Variants in FBXO40 observed in about 807,000 individuals in gnomAD.
FBXO40 encodes the protein F-box protein 40, also known as F-box only protein 40.
A neutral mutation model predicts 49.9 loss-of-function variants in FBXO40; 50 were observed. The ratio of observed to expected loss-of-function variants is 1.00; its 90% confidence interval spans 0.80 to 1.27. FBXO40 has a LOEUF of 1.27. Ranked by LOEUF, FBXO40 falls within the 50% of genes most tolerant of loss-of-function variation. FBXO40 has a pLI of 0.00. For synonymous variants in FBXO40, 340 were observed against 320.2 expected (o/e 1.06, Z -0.66); for missense variants, 895 against 870.1 (o/e 1.03, Z -0.36).
At chr3:121,602,475 G>C (rs939373393) in intron 1 of FBXO40, among the ~76,000 whole-genome samples, 2 of 152,052 alleles carry the variant, frequency 1.3e-5, no homozygotes, top group Non-Finnish European at 2.9e-5. Context: ...TCGAAATCTT[G>C]GCATCAACTT....
Position 121,622,958 on chromosome 3 carries a change from G to C in FBXO40, c.1529G>C (p.Arg510Pro). 1.2e-6 allele frequency: 2 copies of C among 1,614,186 alleles called. No homozygotes were observed. The highest frequency in any genetic ancestry group is 1.7e-6 in the Non-Finnish European group (2 of 1,180,040). The change falls in exon 3 of 4, where the codon CGA becomes CCA. Residue 510 changes from arginine (R) to proline (P), a missense_variant. Transcript: ENST00000338040. ...TGTCTCAATGGCTGGTTCCAGCATC[G>C]ATGCCCCCTCGCCTACTTGGGATGT... ...QSCLNGWFQHRCPLAYLGCTF... is the reference protein window; with the variant it reads ...QSCLNGWFQHPCPLAYLGCTF...
intron 1 of FBXO40, among the ~76,000 whole-genome samples, chr3:121,607,556 A>G (rs1202123435): frequency 6.6e-6 from 1 of 151,846 alleles, no homozygotes; most frequent in African/African-American, 2.4e-5. Flanking sequence ...TGATCCGCCC[A>G]CCTCGGCCTC....
Position 121,614,150 on chromosome 3 carries a change from C to T in FBXO40, c.-30-6396C>T, listed in dbSNP as rs541863358. Among the ~76,000 whole-genome samples the T allele has an allele frequency of 9.1e-4, 138 of 151,736 alleles. 1 individual carries two copies. Among genetic ancestry groups the T allele is most frequent in the African/African-American group, 3.3e-3 (136 of 41,378 alleles). On this transcript the variant is annotated intron_variant, in intron 1 of 3. Coordinates refer to ENST00000338040, the MANE Select transcript of FBXO40 (RefSeq NM_016298.4). ...GCTGTGGTGGCGCTTGCCTGTAGTC[C>T]CAACTACTTGGAAGGCTGAGGCAGG...
chr3:121,603,122 C>A (rs568288018), intron 1 of FBXO40, among the ~76,000 whole-genome samples: 2 of 152,320 alleles, frequency 1.3e-5, no homozygotes, highest in African/African-American at 4.8e-5. Flanking sequence ...TCTTGGGCTT[C>A]TTTTATAAGG....
chr3:121,603,236 C>A (rs929796021), intron 1 of FBXO40, among the ~76,000 whole-genome samples: 22 of 152,270 alleles, frequency 1.4e-4, no homozygotes, highest in South Asian at 1.0e-3. Context: ...TTCCCACAGG[C>A]AAGAATTCGA....
intron 1 of FBXO40, among the ~76,000 whole-genome samples, chr3:121,602,890 G>A (rs1484160350): frequency 6.6e-6 from 1 of 151,934 alleles, no homozygotes; most frequent in Non-Finnish European, 1.5e-5. Context: ...TGTGTTTCCT[G>A]CTGGATCCTA....
intron 1 of FBXO40, among the ~76,000 whole-genome samples, chr3:121,610,118 G>A (rs191227349): frequency 3.0e-4 from 45 of 152,288 alleles, no homozygotes; most frequent in African/African-American, 1.0e-3. Context: ...TTACACCCAG[G>A]ACACAGTGGC....
At chr3:121,620,269 T>C (rs576433522) in intron 1 of FBXO40, among the ~76,000 whole-genome samples, 22 of 152,308 alleles carry the variant, frequency 1.4e-4, no homozygotes, top group Non-Finnish European at 3.1e-4. Context: ...TGATTGGTAA[T>C]ATGCCCTATC....
rs137900064 is a variant in FBXO40 at position 121,597,658 on chromosome 3, C to CTT, written c.-31+4156_-31+4157insTT. ...CAACCCTATTGGTTATTATAGGCCCCCTTTTTTTTTTTTTTTTTTTTGAGA... is the reference window on the plus strand; with the variant it reads ...CAACCCTATTGGTTATTATAGGCCCCTTCTTTTTTTTTTTTTTTTTTTTGAGA... On this transcript the variant is annotated intron_variant, in intron 1 of 3. Coordinates refer to ENST00000338040, the MANE Select transcript of FBXO40 (RefSeq NM_016298.4). Among the ~76,000 whole-genome samples the CTT allele has an allele frequency of 7.0e-3, 889 of 127,710 alleles. 39 individuals carry two copies. Among genetic ancestry groups the CTT allele is most frequent in the Middle Eastern group, 0.012 (3 of 250 alleles). 83.8% of individuals were successfully genotyped at this position (127,710 alleles called of 152,430 possible).
At chr3:121,610,887 A>C (rs1321034040) in intron 1 of FBXO40, among the ~76,000 whole-genome samples, 1 of 152,118 alleles carries the variant, frequency 6.6e-6, no homozygotes, top group Non-Finnish European at 1.5e-5. Flanking sequence ...GTGATCTGCC[A>C]ACCTTGGCTG....
intron 1 of FBXO40, among the ~76,000 whole-genome samples, chr3:121,601,330 G>A (rs574448642): frequency 6.6e-6 from 1 of 151,882 alleles, no homozygotes; most frequent in Admixed American, 6.6e-5. Context: ...GTGCCTTTCT[G>A]CTCTGTACAT....
rs1205520958 is a variant in FBXO40, at chr3:121,593,386, C to CA, written c.-145dup. 1 of 152,282 alleles carries CA rather than the reference C, an allele frequency of 6.6e-6. No individual in the cohort carries two copies. The highest frequency in any genetic ancestry group is 1.5e-5 in the Non-Finnish European group (1 of 68,052). 9.4% of individuals were successfully genotyped at this position (152,282 alleles called of 1,614,324 possible). ...GTTTTCTCTCCTTTCCCTGCCTTCC[C>CA]AACAGAACGCTGTCCTCTACTGCAG... On this transcript the variant is annotated 5_prime_UTR_variant, in exon 1 of 4. Coordinates refer to ENST00000338040, the MANE Select transcript of FBXO40 (RefSeq NM_016298.4).
intron 3 of FBXO40, among the ~76,000 whole-genome samples, chr3:121,626,028 A>T (rs1245591827): frequency 1.3e-5 from 2 of 152,222 alleles, no homozygotes; most frequent in Admixed American, 1.3e-4. Flanking sequence ...GACTCTTATG[A>T]GTTACAATAC....
chr3:121,602,923 T>C (rs2048908815), intron 1 of FBXO40, among the ~76,000 whole-genome samples: 1 of 152,200 alleles, frequency 6.6e-6, no homozygotes, highest in Non-Finnish European at 1.5e-5. Context: ...ACAGTCCATT[T>C]TTGTCCATTC....
At chr3:121,618,041 G>A (rs531205837) in intron 1 of FBXO40, among the ~76,000 whole-genome samples, 1 of 152,218 alleles carries the variant, frequency 6.6e-6, no homozygotes, top group African/African-American at 2.4e-5. Context: ...CCAACATAAA[G>A]AAAAGTGTTT....
Position 121,622,137 on chromosome 3 carries a change from G to C in FBXO40, c.708G>C (p.Ala236=). 2 of 1,614,102 alleles carry C rather than the reference G, an allele frequency of 1.2e-6. No individual in the cohort carries two copies. Among genetic ancestry groups the C allele is most frequent in the East Asian group, 2.2e-5 (1 of 44,890 alleles). The stretch of plus-strand genomic sequence containing the variant: ...CCTCTGCTTTAACAAATTCATCAGC[G>C]AGCTGTGAGAGCAAGAACAAGAATG... The part of the protein sequence containing the change: ...HAASALTNSS[A]SCESKNKNDS... The change falls in exon 3 of 4, where the codon GCG becomes GCC. Residue 236 remains alanine (A), a synonymous_variant. Coordinates refer to ENST00000338040, the MANE Select transcript of FBXO40 (RefSeq NM_016298.4).
At chr3:121,594,931 T>A (rs2048863792) in intron 1 of FBXO40, among the ~76,000 whole-genome samples, 1 of 152,234 alleles carries the variant, frequency 6.6e-6, no homozygotes, top group South Asian at 2.1e-4. Context: ...GCTTCTGGAA[T>A]AACTGTATAG....
At chr3:121,596,558 T>C (rs549827815) in intron 1 of FBXO40, among the ~76,000 whole-genome samples, 1 of 152,340 alleles carries the variant, frequency 6.6e-6, no homozygotes, top group Non-Finnish European at 1.5e-5. Context: ...CCTTTGCATG[T>C]TGAAGTTTGA....
Position 121,623,160 on chromosome 3 carries a change from C to G in FBXO40, c.1731C>G (p.Pro577=), listed in dbSNP as rs151167240. 2.7e-4 allele frequency: 433 copies of G among 1,614,160 alleles called. 1 individual carries two copies. Among genetic ancestry groups the G allele is most frequent in the Admixed American group, 1.1e-3 (68 of 60,028 alleles). ...GCCAGAATTCTTTAACCAGCCTGCCCCTGGAGATTTTGAAGTACATTGCTG... is the reference window on the plus strand; with the variant it reads ...GCCAGAATTCTTTAACCAGCCTGCCGCTGGAGATTTTGAAGTACATTGCTG... ...GKSQNSLTSL[P]LEILKYIAGF... is the part of the protein sequence containing the mutation. Residue 577 remains proline (P), a synonymous_variant, in exon 3 of 4, where the codon CCC becomes CCG. Coordinates refer to ENST00000338040, the MANE Select transcript of FBXO40 (RefSeq NM_016298.4).
Sources: gnomAD v4.1 joint callset for allele counts (sites outside exome capture counted in the v4.1 genomes callset) on GRCh38, gnomAD v4.1.1 for gene constraint, MANE v1.5 for transcripts, NCBI Gene and HGNC (gene_info 2026-07-23, HGNC 2026-07-21) for gene names.